MBD5: variants seen among roughly 807,000 people sequenced by gnomAD.
The protein encoded by MBD5 is methyl-CpG-binding domain protein 5.
In MBD5, 13 loss-of-function variants were observed where a neutral mutation model predicts 117.3. That is an observed-to-expected ratio of 0.11 (90% CI 0.07 to 0.18). The LOEUF is 0.18. Among genes scored for constraint, MBD5 ranks in the 10% least tolerant of loss-of-function variants. MBD5 has a pLI of 1.00. For missense variants in MBD5, 1,879 were observed against 2,093.8 expected (o/e 0.90, Z 2.00); for synonymous variants, 727 against 766.4 (o/e 0.95, Z 0.85).
At chr2:148,187,516 T>C (rs540156118) in intron 2 of MBD5, among the ~76,000 whole-genome samples, 1 of 152,208 alleles carries the variant, frequency 6.6e-6, no homozygotes, top group East Asian at 1.9e-4. Flanking sequence ...AAACATATCA[T>C]TTCTGAAACC....
intron 1 of MBD5, among the ~76,000 whole-genome samples, chr2:148,073,997 C>A (rs1304830364): frequency 6.7e-6 from 1 of 149,208 alleles, no homozygotes; most frequent in African/African-American, 2.5e-5. Context: ...ACCAGATAAT[C>A]TTTTTTTTTT....
intron 7 of MBD5, among the ~76,000 whole-genome samples, chr2:148,465,719 T>C (rs1430195520): frequency 1.3e-5 from 2 of 152,186 alleles, no homozygotes; most frequent in African/African-American, 4.8e-5. Flanking sequence ...GGGGCCAAAT[T>C]ACTGATTGCT....
At chr2:148,480,765 T>C (rs1681123493) in intron 8 of MBD5, among the ~76,000 whole-genome samples, 1 of 152,156 alleles carries the variant, frequency 6.6e-6, no homozygotes, top group Non-Finnish European at 1.5e-5. Flanking sequence ...GTATTTGGTA[T>C]GTTTTCTTAC....
intron 3 of MBD5, among the ~76,000 whole-genome samples, chr2:148,292,320 A>T (rs1293642297): frequency 6.6e-6 from 1 of 152,242 alleles, no homozygotes; most frequent in Non-Finnish European, 1.5e-5. Context: ...TACCTATCTG[A>T]CAAAGGATTA....
intron 1 of MBD5, among the ~76,000 whole-genome samples, chr2:148,142,195 T>C (rs1697336106): frequency 6.6e-6 from 1 of 152,018 alleles, no homozygotes; most frequent in African/African-American, 2.4e-5. Context: ...AAAGAAAGAA[T>C]ATGTTAAATT....
chr2:148,194,754 G>A (rs1437424002), intron 2 of MBD5, among the ~76,000 whole-genome samples: 3 of 27,712 alleles, frequency 1.1e-4, no homozygotes, highest in Admixed American at 1.2e-3. Flanking sequence ...AAAACTTAGA[G>A]TATAATAAGA....
At chr2:148,382,584 T>C (rs2105448996) in intron 4 of MBD5, among the ~76,000 whole-genome samples, 1 of 152,244 alleles carries the variant, frequency 6.6e-6, no homozygotes, top group East Asian at 1.9e-4. Flanking sequence ...AGAATTGAAC[T>C]CAGCTCTGCA....
intron 8 of MBD5, among the ~76,000 whole-genome samples, chr2:148,475,669 A>T (rs1192989006): frequency 6.6e-6 from 1 of 152,176 alleles, no homozygotes; most frequent in African/African-American, 2.4e-5. Context: ...GAAATCCTTC[A>T]GTTCTCTAGA....
intron 3 of MBD5, among the ~76,000 whole-genome samples, chr2:148,335,994 T>A (rs1380675729): frequency 6.6e-6 from 1 of 152,224 alleles, no homozygotes; most frequent in Non-Finnish European, 1.5e-5. Context: ...GAACTGAGTC[T>A]GTGTAAGATA....
At chr2:148,270,724 T>G (rs1700966138) in intron 3 of MBD5, among the ~76,000 whole-genome samples, 1 of 152,046 alleles carries the variant, frequency 6.6e-6, no homozygotes. Context: ...ATTTTTTTTT[T>G]GTTTTCAGCC....
chr2:148,248,026 G>T (rs1700377380), intron 3 of MBD5, among the ~76,000 whole-genome samples: 2 of 152,126 alleles, frequency 1.3e-5, no homozygotes, highest in South Asian at 4.1e-4. Flanking sequence ...GTAGTGTTCA[G>T]AGAGGTAAGC....
rs539655543 is a variant in MBD5, at chr2:148,140,357, G to T, written c.-924-38343G>T. Among the ~76,000 whole-genome samples the T allele has an allele frequency of 1.8e-4, 27 of 152,056 alleles. 1 individual carries two copies. The highest frequency in any genetic ancestry group is 6.9e-3 in the Middle Eastern group (2 of 290). On this transcript the variant is annotated intron_variant, in intron 1 of 13. Coordinates refer to ENST00000642680, the MANE Select transcript of MBD5 (RefSeq NM_001378120.1). ...TTTGTTTAACTATTCAAATTTTGTA[G>T]GTTGTTTTAGACAAAAGCAGATAAA...
intron 1 of MBD5, among the ~76,000 whole-genome samples, chr2:148,082,178 C>T (rs1256300688): frequency 1.3e-5 from 2 of 152,184 alleles, no homozygotes; most frequent in African/African-American, 2.4e-5. Flanking sequence ...ACAAACCCCA[C>T]ACCTTTCCAC....
At chr2:148,493,869 ATAAAGAGGCAT>A (rs1178392330) in intron 11 of MBD5, among the ~76,000 whole-genome samples, 1 of 152,224 alleles carries the variant, frequency 6.6e-6, no homozygotes, top group Non-Finnish European at 1.5e-5. Context: ...AGGGTGTAGC[ATAAAGAGGCAT>A]GGGTTTTGGG....
intron 3 of MBD5, among the ~76,000 whole-genome samples, chr2:148,294,522 G>GTTTGTTTTTTTTTTTTTTT (rs1701602396): frequency 2.2e-5 from 1 of 45,436 alleles, no homozygotes; most frequent in African/African-American, 9.2e-5. Context: ...TTTTTTTTTT[G>GTTTGTTTTTTTTTTTTTTT]AGATAGAGCT....
At chr2:148,142,363 A>G (rs1312902282) in intron 1 of MBD5, among the ~76,000 whole-genome samples, 1 of 152,208 alleles carries the variant, frequency 6.6e-6, no homozygotes, top group African/African-American at 2.4e-5. Flanking sequence ...AGGGCAAGGA[A>G]TGTGGATGGG....
chr2:148,253,243 C>A (rs748085005), intron 3 of MBD5, among the ~76,000 whole-genome samples: 1 of 152,094 alleles, frequency 6.6e-6, no homozygotes, highest in Non-Finnish European at 1.5e-5. Flanking sequence ...TATATTGACC[C>A]CCTACTCTTT....
intron 2 of MBD5, among the ~76,000 whole-genome samples, chr2:148,215,170 G>T (rs1172426704): frequency 6.6e-6 from 1 of 152,142 alleles, no homozygotes; most frequent in African/African-American, 2.4e-5. Context: ...ATTACTAACA[G>T]TAGTGTGAAA....
chr2:148,312,698 TGAG>T (rs1300071229), intron 3 of MBD5, among the ~76,000 whole-genome samples: 1 of 152,196 alleles, frequency 6.6e-6, no homozygotes, highest in Non-Finnish European at 1.5e-5. Flanking sequence ...CCCTTGCTGG[TGAG>T]GAGTTGTGAT....
Sources: allele counts gnomAD v4.1 joint callset (sites outside exome capture counted in the v4.1 genomes callset), GRCh38; gene constraint gnomAD v4.1.1; transcripts MANE v1.5; gene names NCBI Gene and HGNC (gene_info 2026-07-23, HGNC 2026-07-21).